SYNJ1: variants seen among roughly 807,000 people sequenced by gnomAD.
The protein encoded by SYNJ1 is polyphosphatidylinositol phosphatase SYNJ1.
SYNJ1 carries 78 observed loss-of-function variants against 168.2 expected under a neutral mutation model. The observed-to-expected ratio is 0.46, with a 90% CI of 0.39 to 0.56. SYNJ1 has a LOEUF of 0.56. Ranked by LOEUF, SYNJ1 falls within the 20% of genes least tolerant of loss-of-function variation. SYNJ1 has a pLI of 0.00. For synonymous variants in SYNJ1, 539 were observed against 548.6 expected, an observed-to-expected ratio of 0.98 and a Z score of 0.24; for missense variants, 1,303 against 1,597.6, an observed-to-expected ratio of 0.82 and a Z score of 3.14.
At chr21:32,681,056 G>A (rs894156392) in intron 11 of SYNJ1, among the ~76,000 whole-genome samples, 1 of 152,154 alleles carries the variant, frequency 6.6e-6, no homozygotes, top group Non-Finnish European at 1.5e-5. Context: ...AGTGGCATAC[G>A]TCACACATCT....
At chr21:32,717,321 T>C (rs915196638) in intron 2 of SYNJ1, among the ~76,000 whole-genome samples, 1 of 152,180 alleles carries the variant, frequency 6.6e-6, no homozygotes, top group Admixed American at 6.6e-5. Context: ...GTTGAACATA[T>C]GGAGTATATT....
intron 4 of SYNJ1, among the ~76,000 whole-genome samples, chr21:32,697,401 G>C (rs2042247583): frequency 6.6e-6 from 1 of 152,068 alleles, no homozygotes; most frequent in South Asian, 2.1e-4. Flanking sequence ...TTCACCTTTG[G>C]TGCTCTAGCT....
In SYNJ1 at chr21:32,695,050, T is replaced by C. The variant is rs187016397; in HGVS notation, c.705+7A>G. 2,366 of 1,613,046 alleles carry C rather than the reference T, an allele frequency of 1.5e-3. 40 individuals carry two copies. In the South Asian group the frequency reaches 0.019, roughly 13 times the overall value. ...ATTAATTAAGTAATATAAAACACTATATATACCTGTTCTGTTTCTACAAAA... is the reference window on the plus strand; with the variant it reads ...ATTAATTAAGTAATATAAAACACTACATATACCTGTTCTGTTTCTACAAAA... On this transcript the variant is annotated splice_region_variant and intron_variant, in intron 5 of 32. Transcript: ENST00000674351.
intron 13 of SYNJ1, among the ~76,000 whole-genome samples, chr21:32,675,206 A>T (rs746463957): frequency 1.3e-5 from 2 of 152,232 alleles, no homozygotes; most frequent in Non-Finnish European, 2.9e-5. Flanking sequence ...CACAAGTTCT[A>T]TAATAATTAC....
At chr21:32,648,291 T>C (rs976714693) in intron 23 of SYNJ1, among the ~76,000 whole-genome samples, 6 of 152,158 alleles carry the variant, frequency 3.9e-5, no homozygotes, top group Non-Finnish European at 8.8e-5. Context: ...CCCCCAAACT[T>C]TCTTAAAGAG....
chr21:32,656,788 G>A lies in SYNJ1; in HGVS notation c.2694C>T (p.Val898=). 6.2e-7 allele frequency: 1 copy of A among 1,614,086 alleles called. No homozygotes were observed. Among genetic ancestry groups the A allele is most frequent in the Non-Finnish European group, 8.5e-7 (1 of 1,180,004 alleles). Residue 898 remains valine (V), a synonymous_variant, in exon 21 of 33, where the codon GTC becomes GTT. Coordinates refer to ENST00000674351, the MANE Select transcript of SYNJ1 (RefSeq NM_203446.3). ...TTTCTGGTAAAGAACTTTTGATTGA[G>A]ACCAATACTGTACCATCTGGTGGAC... ...VQGPPDGTVL[V]SIKSSLPENN... is the part of the protein sequence containing the mutation.
At chr21:32,642,912 T>C (rs1166518632) in intron 27 of SYNJ1, among the ~76,000 whole-genome samples, 3 of 152,188 alleles carry the variant, frequency 2.0e-5, no homozygotes, top group Non-Finnish European at 4.4e-5. Context: ...TCATAACAAA[T>C]GGCCTCTAGT....
At chr21:32,704,919 G>A (rs2042550553) in intron 2 of SYNJ1, among the ~76,000 whole-genome samples, 1 of 152,098 alleles carries the variant, frequency 6.6e-6, no homozygotes, top group Non-Finnish European at 1.5e-5. Flanking sequence ...GGAGGCCCAG[G>A]TGGGCGGATT....
At position 32,645,763 on chromosome 21, in the gene SYNJ1, T is replaced by C; in HGVS notation, c.3274A>G (p.Thr1092Ala). The change falls in exon 25 of 33, where the codon ACG becomes GCG. Residue 1092 changes from threonine to alanine, a missense_variant. Thr to Ala is a moderately conservative substitution (Grantham distance 58, BLOSUM62 0). Around this residue, in one of 2 missense-constraint regions of SYNJ1, gnomAD observed 383 missense variants for 388.8 expected, o/e 0.99. Transcript: ENST00000674351. ...QSSPIDAQPA[T>A]PLPQKDPAQP... is the part of the protein sequence containing the mutation. ...GCGGGGTCTTTCTGCGGCAGCGGCGTTGCTGGCTGCGCGTCAATAGGAGAA... is the reference window on the plus strand; with the variant it reads ...GCGGGGTCTTTCTGCGGCAGCGGCGCTGCTGGCTGCGCGTCAATAGGAGAA... The C allele has an allele frequency of 6.8e-7, 1 of 1,467,348 alleles. No homozygotes were observed. The highest frequency in any genetic ancestry group is 9.0e-7 in the Non-Finnish European group (1 of 1,107,236). 90.9% of individuals were successfully genotyped at this position (1,467,348 alleles called of 1,614,324 possible).
At chr21:32,700,191 C>G in intron 3 of SYNJ1, 86 bp from the exon 4 acceptor site, 1 of 1,430,356 alleles carries the variant, frequency 7.0e-7, no homozygotes, top group Non-Finnish European at 9.4e-7. Context: ...TTTTTTAAAT[C>G]TGACATTGTG....
At chr21:32,704,303 C>T (rs2042521792) in intron 2 of SYNJ1, among the ~76,000 whole-genome samples, 1 of 152,222 alleles carries the variant, frequency 6.6e-6, no homozygotes, top group African/African-American at 2.4e-5. Flanking sequence ...CCCACACACA[C>T]ACCTTAAAGT....
chr21:32,670,932 C>T (rs559862054), intron 14 of SYNJ1: 5 of 540,658 alleles, frequency 9.2e-6, no homozygotes, highest in African/African-American at 6.2e-5. Flanking sequence ...CAAGGACTAA[C>T]GGAGAACAGA....
rs2039263153 is a variant in SYNJ1 at position 32,630,051 on chromosome 21, AACGT to A, written c.*1750_*1753del. ...GAGGGATATGGGCAACGTATACTCG[AACGT>A]ACGCAGAGAAGAGAGTACGGTTAGC... On this transcript the variant is annotated 3_prime_UTR_variant, in exon 33 of 33. Coordinates refer to ENST00000674351, the MANE Select transcript of SYNJ1 (RefSeq NM_203446.3). 1 of 152,270 alleles carries A rather than the reference AACGT, an allele frequency of 6.6e-6. No individual in the cohort carries two copies. Among genetic ancestry groups the A allele is most frequent in the African/African-American group, 2.4e-5 (1 of 41,468 alleles). 9.4% of individuals were successfully genotyped at this position (152,270 alleles called of 1,614,324 possible).
chr21:32,727,978 GC>G lies in SYNJ1; in HGVS notation c.-56del. The G allele has an allele frequency of 6.5e-7, 1 of 1,534,988 alleles. No individual in the cohort carries two copies. Among genetic ancestry groups the G allele is most frequent in the Non-Finnish European group, 8.7e-7 (1 of 1,145,972 alleles). ...TCCGGCTCCTCCTCCTCCTTCTCCC[GC>G]AGCCGCCGCCACAGCCGCCGGGAGC... On this transcript the variant is annotated 5_prime_UTR_variant, in exon 1 of 33. Coordinates refer to ENST00000674351, the MANE Select transcript of SYNJ1 (RefSeq NM_203446.3).
At chr21:32,711,713 T>C (rs2042837581) in intron 2 of SYNJ1, among the ~76,000 whole-genome samples, 1 of 152,212 alleles carries the variant, frequency 6.6e-6, no homozygotes, top group Admixed American at 6.5e-5. Context: ...AATTAGAATT[T>C]AAGGCAAATA....
intron 22 of SYNJ1, 23 bp downstream of exon 22, chr21:32,653,265 A>G (rs2040341204): frequency 6.3e-7 from 1 of 1,584,454 alleles, no homozygotes; most frequent in Non-Finnish European, 8.7e-7. Context: ...AGAATGGTTT[A>G]GAATCAACAA....
intron 31 of SYNJ1, 47 bp from the exon 32 acceptor site, chr21:32,634,931 T>C (rs772097052): frequency 6.8e-6 from 11 of 1,607,986 alleles, no homozygotes; most frequent in Non-Finnish European, 7.7e-6. Flanking sequence ...AGGAGGACAA[T>C]CCGAGATCAA....
intron 26 of SYNJ1, 38 bp from the exon 27 acceptor site, chr21:32,643,495 G>T: frequency 2.5e-6 from 4 of 1,596,850 alleles, no homozygotes; most frequent in Non-Finnish European, 3.4e-6. Context: ...TATTGTTCAG[G>T]GCCCACAGCA....
chr21:32,647,593 C>T (rs2040122563), intron 23 of SYNJ1, among the ~76,000 whole-genome samples: 1 of 152,198 alleles, frequency 6.6e-6, no homozygotes, highest in Non-Finnish European at 1.5e-5. Context: ...AGGGTTTGAT[C>T]CCTCTAACTT....
Sources: allele counts gnomAD v4.1 joint callset (sites outside exome capture counted in the v4.1 genomes callset), GRCh38; gene constraint gnomAD v4.1.1; regional missense constraint gnomAD v4.1.1; transcripts MANE v1.5; gene names NCBI Gene and HGNC (gene_info 2026-07-23, HGNC 2026-07-21).